Variants in NBEAL1 observed in about 807,000 individuals in gnomAD.
NBEAL1 encodes the protein neurobeachin like 1.
In NBEAL1, 273 loss-of-function variants were observed where a neutral mutation model predicts 351.3. The ratio of observed to expected loss-of-function variants is 0.78; its 90% confidence interval spans 0.70 to 0.86. NBEAL1 has a LOEUF of 0.86. Ranked by LOEUF, NBEAL1 falls within the 40% of genes least tolerant of loss-of-function variation. NBEAL1 has a pLI of 0.00. For synonymous variants in NBEAL1, 1,050 were observed against 1,086.4 expected, an observed-to-expected ratio of 0.97 and a Z score of 0.66; for missense variants, 2,961 against 3,201.3, an observed-to-expected ratio of 0.92 and a Z score of 1.81.
At chr2:203,067,048 G>A (rs1469270155) in intron 6 of NBEAL1, among the ~76,000 whole-genome samples, 18 of 143,728 alleles carry the variant, frequency 1.3e-4, no homozygotes, top group Non-Finnish European at 2.1e-4. Context: ...CAGAAGGGGC[G>A]GCCGGGCAGA....
At chr2:203,041,942 G>A in intron 3 of NBEAL1, 86 bp downstream of exon 3, 1 of 857,022 alleles carries the variant, frequency 1.2e-6, no homozygotes, top group Non-Finnish European at 1.9e-6. Flanking sequence ...TACAAGGATG[G>A]CAATTATGTT....
At chr2:203,188,994 A>T (rs1002137713) in intron 45 of NBEAL1, among the ~76,000 whole-genome samples, 11 of 152,246 alleles carry the variant, frequency 7.2e-5, no homozygotes, top group East Asian at 3.8e-4. Context: ...AATGATTTTT[A>T]AAAAGTAGTT....
At chr2:203,125,227 C>T in intron 19 of NBEAL1, 125 bp from the exon 20 acceptor site, 1 of 637,208 alleles carries the variant, frequency 1.6e-6, no homozygotes, top group East Asian at 3.4e-5. Context: ...ATTCCTTCAG[C>T]TTAGGTTATC....
At chr2:203,027,853 A>G (rs936925144) in intron 2 of NBEAL1, among the ~76,000 whole-genome samples, 2 of 151,936 alleles carry the variant, frequency 1.3e-5, no homozygotes. Context: ...CTAGGACTAC[A>G]AGTGTGTGCC....
In NBEAL1 at chr2:203,201,714, G is replaced by C; in HGVS notation, c.7410G>C (p.Met2470Ile). ...GKIISHIIRH[M>I]DIVTCLATDY... ...TTATCTCACACATCATCCGGCATATGGGTAAGCATTAGCTTTTTTTCCAAA... is the reference window on the plus strand; with the variant it reads ...TTATCTCACACATCATCCGGCATATCGGTAAGCATTAGCTTTTTTTCCAAA... The change falls in exon 50 of 56, where the codon ATG becomes ATC. Residue 2470 changes from methionine to isoleucine, a missense_variant and splice_region_variant. Transcript: ENST00000683969. 8 of 1,573,038 alleles carry C rather than the reference G, an allele frequency of 5.1e-6. No individual in the cohort carries two copies. The highest frequency in any genetic ancestry group is 6.9e-6 in the Non-Finnish European group (8 of 1,159,114).
chr2:203,189,685 C>T (rs943029631), intron 45 of NBEAL1, among the ~76,000 whole-genome samples: 3 of 151,998 alleles, frequency 2.0e-5, no homozygotes, highest in African/African-American at 7.3e-5. Context: ...CCACCCCTGG[C>T]CCAATAGAAA....
At chr2:203,166,720 A>ATT (rs1244498076) in intron 37 of NBEAL1, among the ~76,000 whole-genome samples, 2 of 136,656 alleles carry the variant, frequency 1.5e-5, no homozygotes, top group African/African-American at 2.7e-5. Context: ...CTAATTTTGT[A>ATT]TTTTTTTTTT....
chr2:203,033,811 A>G (rs888771550), intron 2 of NBEAL1, among the ~76,000 whole-genome samples: 2 of 152,206 alleles, frequency 1.3e-5, no homozygotes, highest in African/African-American at 4.8e-5. Flanking sequence ...CCACACTGGA[A>G]TGATACCAAA....
rs1246223363 is a variant in NBEAL1 at position 203,197,380 on chromosome 2, C to T, written c.7117C>T (p.Pro2373Ser). ...TCGTTCTTTTATGTCTCAAGGCAGCCCTGAGTTACTGGTAAGTTGATTTTT... is the reference window on the plus strand; with the variant it reads ...TCGTTCTTTTATGTCTCAAGGCAGCTCTGAGTTACTGGTAAGTTGATTTTT... ...QYRSFMSQGS[P>S]ELLITISMNY... Residue 2373 changes from proline to serine, a missense_variant, in exon 48 of 56, where the codon CCT (proline) becomes TCT (serine). Coordinates refer to ENST00000683969, the MANE Select transcript of NBEAL1 (RefSeq NM_001378026.1). The T allele has an allele frequency of 6.3e-7, 1 of 1,597,180 alleles. No homozygotes were observed. The highest frequency in any genetic ancestry group is 8.6e-7 in the Non-Finnish European group (1 of 1,164,766).
chr2:203,122,057 A>T (rs1262074618), intron 18 of NBEAL1, among the ~76,000 whole-genome samples, 197 bp from the exon 19 acceptor site: 1 of 152,186 alleles, frequency 6.6e-6, no homozygotes, highest in Non-Finnish European at 1.5e-5. Context: ...AAGTGCTGGG[A>T]TTACAGGCAT....
At chr2:203,115,955 G>A in intron 17 of NBEAL1, 30 bp from the exon 18 acceptor site, 1 of 1,385,246 alleles carries the variant, frequency 7.2e-7, no homozygotes, top group Non-Finnish European at 1.0e-6. Context: ...TATATTCAAT[G>A]GTGTGTATGT....
At chr2:203,021,586 C>A (rs1478826113) in intron 2 of NBEAL1, among the ~76,000 whole-genome samples, 4 of 151,292 alleles carry the variant, frequency 2.6e-5, no homozygotes, top group African/African-American at 9.7e-5. Flanking sequence ...CAGAGTGAGA[C>A]CCCATTTAAA....
At chr2:203,166,720 AT>A (rs1244498076) in intron 37 of NBEAL1, among the ~76,000 whole-genome samples, 507 of 136,304 alleles carry the variant, frequency 3.7e-3, no homozygotes, top group Middle Eastern at 7.6e-3. Context: ...CTAATTTTGT[AT>A]TTTTTTTTTT....
intron 8 of NBEAL1, among the ~76,000 whole-genome samples, chr2:203,082,388 A>T (rs904622359): frequency 1.3e-5 from 2 of 152,206 alleles, no homozygotes; most frequent in African/African-American, 4.8e-5. Flanking sequence ...TGTTGATATT[A>T]TGTATTATAT....
At chr2:203,041,940 T>C (rs1281878570) in intron 3 of NBEAL1, 84 bp downstream of exon 3, 1 of 868,058 alleles carries the variant, frequency 1.2e-6, no homozygotes, top group African/African-American at 1.7e-5. Flanking sequence ...ATTACAAGGA[T>C]GGCAATTATG....
At chr2:203,162,224 G>A (rs925716048) in intron 36 of NBEAL1, among the ~76,000 whole-genome samples, 6 of 151,228 alleles carry the variant, frequency 4.0e-5, no homozygotes, top group Admixed American at 1.3e-4. Flanking sequence ...GGGTTTCACC[G>A]TGTTGGCCAG....
At chr2:203,060,664 G>A (rs2061484504) in intron 6 of NBEAL1, among the ~76,000 whole-genome samples, 1 of 152,102 alleles carries the variant, frequency 6.6e-6, no homozygotes, top group Admixed American at 6.6e-5. Flanking sequence ...GTTTTCTTGC[G>A]AAAGTGGAAA....
chr2:203,162,892 G>A (rs997961136), intron 36 of NBEAL1, among the ~76,000 whole-genome samples: 3 of 151,694 alleles, frequency 2.0e-5, no homozygotes, highest in South Asian at 4.2e-4. Context: ...GGTGGCTCAC[G>A]CCTGCAGTCC....
intron 35 of NBEAL1, among the ~76,000 whole-genome samples, chr2:203,155,428 C>CT (rs963686117): frequency 4.6e-5 from 7 of 151,152 alleles, no homozygotes; most frequent in Admixed American, 1.3e-4. Context: ...CTTTCTTTTC[C>CT]TTTTTTTGTT....
Sources: gnomAD v4.1 joint callset for allele counts (sites outside exome capture counted in the v4.1 genomes callset) on GRCh38, gnomAD v4.1.1 for gene constraint, MANE v1.5 for transcripts, NCBI Gene and HGNC (gene_info 2026-07-23, HGNC 2026-07-21) for gene names.